The following ZBTB20 variants were observed in gnomAD, a reference collection of about 807,000 sequenced individuals.
ZBTB20 encodes the protein zinc finger and BTB domain containing 20, also known as zinc finger and BTB domain-containing protein 20.
ZBTB20 carries 9 observed loss-of-function variants against 56.9 expected under a neutral mutation model. The ratio of observed to expected loss-of-function variants is 0.16; its 90% CI spans 0.10 to 0.28. The LOEUF (loss-of-function observed/expected upper bound fraction) is 0.28, where lower values mean the gene tolerates loss of function less well. Ranked by LOEUF, ZBTB20 falls within the 10% of genes least tolerant of loss-of-function variation. The pLI is 1.00. For synonymous variants in ZBTB20, 417 were observed against 420.7 expected (o/e 0.99, Z 0.11); for missense variants, 655 against 1,003.0 (o/e 0.65, Z 4.69).
intron 7 of ZBTB20, among the ~76,000 whole-genome samples, chr3:114,486,132 G>GTT (rs2042099734): frequency 1.4e-5 from 1 of 70,648 alleles, no homozygotes; most frequent in Non-Finnish European, 3.4e-5. Context: ...GTGTGTGTGT[G>GTT]TGTGTGGGGG....
At chr3:114,991,551 G>A (rs1297659997) in intron 2 of ZBTB20, among the ~76,000 whole-genome samples, 2 of 152,104 alleles carry the variant, frequency 1.3e-5, no homozygotes, top group African/African-American at 4.8e-5. Flanking sequence ...GAATAAGTGC[G>A]ATGTGGTGCT....
rs529741045 is a variant in ZBTB20 at position 114,451,039 on chromosome 3, G to T, written c.-255+49313C>A. ...ACCATCTATCACCAAACCCTGAACA[G>T]CTCACAGATCTCACAGATCTTATTT... On this transcript the variant is annotated intron_variant, in intron 7 of 11. Transcript: ENST00000675478. Among the ~76,000 whole-genome samples the T allele has an allele frequency of 2.0e-5, 3 of 151,956 alleles. No individual in the cohort carries two copies. The South Asian group carries it at 6.2e-4, about 32-fold the overall frequency.
intron 1 of ZBTB20, among the ~76,000 whole-genome samples, chr3:115,105,853 C>T (rs1489584793): frequency 2.0e-5 from 3 of 152,080 alleles, no homozygotes; most frequent in Admixed American, 6.5e-5. Context: ...GAGACAGCTC[C>T]GTCGCCCAGG....
intron 4 of ZBTB20, among the ~76,000 whole-genome samples, chr3:114,831,806 G>T (rs947033270): frequency 5.9e-5 from 9 of 152,140 alleles, no homozygotes; most frequent in East Asian, 1.9e-4. Context: ...CCAGATGAAA[G>T]ATCTTGGACT....
intron 6 of ZBTB20, among the ~76,000 whole-genome samples, chr3:114,651,273 G>C (rs2060114072): frequency 6.6e-6 from 1 of 151,958 alleles, no homozygotes; most frequent in African/African-American, 2.4e-5. Context: ...GGGACAGCTA[G>C]AAAGAAATGA....
At chr3:114,354,706 C>T (rs924269450) in intron 10 of ZBTB20, among the ~76,000 whole-genome samples, 2 of 151,470 alleles carry the variant, frequency 1.3e-5, no homozygotes, top group East Asian at 1.9e-4. Context: ...CTCAGCCTCT[C>T]GAGTAGCTGG....
intron 7 of ZBTB20, among the ~76,000 whole-genome samples, chr3:114,469,761 C>T (rs1416062385): frequency 6.6e-6 from 1 of 152,148 alleles, no homozygotes. Flanking sequence ...AATTATAACA[C>T]TGCTTGTAAT....
At chr3:114,802,920 T>A (rs1207678802) in intron 4 of ZBTB20, among the ~76,000 whole-genome samples, 1 of 151,892 alleles carries the variant, frequency 6.6e-6, no homozygotes, top group Non-Finnish European at 1.5e-5. Context: ...GTAATTCAAT[T>A]CATTCAGTCA....
In ZBTB20 at chr3:115,077,695, C is replaced by T. The variant is rs189514365; in HGVS notation, c.-702-6281G>A. On this transcript the variant is annotated intron_variant, in intron 1 of 11. Coordinates refer to ENST00000675478, the MANE Select transcript of ZBTB20 (RefSeq NM_001348800.3). ...AAATTACAACCACAATGAGGAATTG[C>T]CTCACACCTGTCAGGGCTGTTATTA... is the stretch of plus-strand genomic sequence containing the variant. Among the ~76,000 whole-genome samples, 18 of 152,230 alleles carry T rather than the reference C, an allele frequency of 1.2e-4. 1 individual carries two copies. The highest frequency in any genetic ancestry group is 1.0e-3 in the Admixed American group (16 of 15,294).
intron 4 of ZBTB20, among the ~76,000 whole-genome samples, chr3:114,888,057 G>A (rs1329362317): frequency 6.7e-6 from 1 of 149,698 alleles, no homozygotes; most frequent in Non-Finnish European, 1.5e-5. Flanking sequence ...ATCCTTTCAA[G>A]CAAGCCAGAA....
At chr3:114,985,991 A>C (rs1019603533) in intron 2 of ZBTB20, among the ~76,000 whole-genome samples, 1 of 152,104 alleles carries the variant, frequency 6.6e-6, no homozygotes, top group African/African-American at 2.4e-5. Flanking sequence ...TTGTTTACAG[A>C]AGGGGGTGGG....
chr3:114,811,037 G>A (rs1304653959), intron 4 of ZBTB20, among the ~76,000 whole-genome samples: 4 of 152,166 alleles, frequency 2.6e-5, no homozygotes, highest in African/African-American at 9.7e-5. Context: ...CACTCAGCGA[G>A]AAGGACTAGA....
rs538270841 is a variant in ZBTB20 at position 114,672,348 on chromosome 3, G to C, written c.-295+21180C>G. On this transcript the variant is annotated intron_variant, in intron 6 of 11. Transcript: ENST00000675478. The stretch of plus-strand genomic sequence containing the variant: ...CCTGGCAAAATCCAGCTTTTATTTT[G>C]GTGGCAGCATCTATTAAGGAGGAGA... Among the ~76,000 whole-genome samples the C allele has an allele frequency of 2.0e-5, 3 of 152,192 alleles. No individual in the cohort carries two copies. In the East Asian group the frequency reaches 5.8e-4, roughly 29 times the overall value.
At chr3:114,952,660 C>T (rs1394142283) in intron 3 of ZBTB20, among the ~76,000 whole-genome samples, 1 of 151,572 alleles carries the variant, frequency 6.6e-6, no homozygotes, top group Admixed American at 6.6e-5. Flanking sequence ...ACAGGGAAAA[C>T]TGTCTTGAAA....
At chr3:115,097,235 G>T (rs1379989882) in intron 1 of ZBTB20, among the ~76,000 whole-genome samples, 3 of 152,208 alleles carry the variant, frequency 2.0e-5, no homozygotes, top group Admixed American at 2.0e-4. Flanking sequence ...CTGCAGTGCA[G>T]TGGCACGATC....
Position 115,139,535 on chromosome 3 carries a change from T to G in ZBTB20, c.-703+7684A>C, listed in dbSNP as rs566253735. ...TAAATCTATCTGTGCATGGATATAA[T>G]ATAAGATCAAAAACTAAATGCAGTA... On this transcript the variant is annotated intron_variant, in intron 1 of 11. Transcript: ENST00000675478. 1.8e-4 allele frequency among the ~76,000 whole-genome samples: 27 copies of G among 152,170 alleles called. No individual in the cohort carries two copies. In the South Asian group the frequency reaches 4.6e-3, roughly 26 times the overall value.
chr3:114,589,892 A>C (rs1426043038), intron 6 of ZBTB20, among the ~76,000 whole-genome samples: 3 of 152,210 alleles, frequency 2.0e-5, no homozygotes, highest in African/African-American at 7.2e-5. Context: ...ATATTTTTCC[A>C]TAATTACATT....
At chr3:115,037,470 A>G (rs1192792092) in intron 2 of ZBTB20, among the ~76,000 whole-genome samples, 1 of 152,140 alleles carries the variant, frequency 6.6e-6, no homozygotes. Context: ...TTTTTAGTAG[A>G]GGCAGGGTTT....
intron 4 of ZBTB20, among the ~76,000 whole-genome samples, chr3:114,849,898 CT>C (rs34170211): frequency 6.4e-4 from 74 of 114,862 alleles, no homozygotes; most frequent in South Asian, 3.6e-3. Context: ...ATCAGGAAAT[CT>C]TTTTTTTTTT....
Sources: allele counts gnomAD v4.1 joint callset (sites outside exome capture counted in the v4.1 genomes callset), GRCh38; gene constraint gnomAD v4.1.1; transcripts MANE v1.5; gene names NCBI Gene and HGNC (gene_info 2026-07-23, HGNC 2026-07-21).